The following ZNF808 variants were observed in gnomAD, a reference collection of about 807,000 sequenced individuals.
ZNF808 encodes the protein zinc finger protein 808.
ZNF808 carries 5 observed loss-of-function variants against 8.7 expected under a neutral mutation model. The observed-to-expected ratio is 0.58, with a 90% CI of 0.30 to 1.21. The LOEUF is 1.21. Ranked by LOEUF, ZNF808 falls within the 50% of genes most tolerant of loss-of-function variation. The pLI is 0.07. For missense variants in ZNF808, 1,103 were observed against 1,098.4 expected, an observed-to-expected ratio of 1.00 and a Z score of -0.06; for synonymous variants, 380 against 366.0, an observed-to-expected ratio of 1.04 and a Z score of -0.44.
At chr19:52,533,074 G>C (rs2059575184) in intron 2 of ZNF808, 65 bp downstream of exon 2, 1 of 152,324 alleles carries the variant, frequency 6.6e-6, no homozygotes, top group East Asian at 1.9e-4. Context: ...TTCCTCCTTT[G>C]AAATTAAAGA....
At position 52,543,277 on chromosome 19, in the gene ZNF808, A is replaced by G. The variant is rs1269052223; in HGVS notation, c.-8A>G. 3.7e-6 allele frequency: 6 copies of G among 1,613,580 alleles called. No homozygotes were observed. The highest frequency in any genetic ancestry group is 1.7e-4 in the Middle Eastern group (1 of 6,054). On this transcript the variant is annotated 5_prime_UTR_variant, in exon 3 of 5. Transcript: ENST00000359798. ...TTTTTCACATACAGGATTGATTTCT[A>G]AAGACTCATGTTACGTGAGGAAGCA...
Position 52,554,541 on chromosome 19 carries a change from C to T in ZNF808, c.1625C>T (p.Thr542Met), listed in dbSNP as rs185737879. ...ACTCTAGAGAAATCTTACAAATGTA[C>T]GGTTTGTAACAAGGTTTTCATGCGT... Reference protein sequence around the residue: ...LHTLEKSYKCTVCNKVFMRNS... With the variant: ...LHTLEKSYKCMVCNKVFMRNS... Residue 542 changes from threonine (T) to methionine (M), a missense_variant, in exon 5 of 5, where the codon ACG (threonine) becomes ATG (methionine). Transcript: ENST00000359798. The T allele has an allele frequency of 4.2e-4, 678 of 1,613,872 alleles. 5 individuals are homozygous for T. The East Asian group carries it at 0.012, about 28-fold the overall frequency.
At chr19:52,528,567 G>C (rs1325847872) in intron 1 of ZNF808, among the ~76,000 whole-genome samples, 2 of 152,180 alleles carry the variant, frequency 1.3e-5, no homozygotes, top group East Asian at 3.9e-4. Context: ...AGAAAAGCTA[G>C]ATGTACACAG....
At chr19:52,546,641 GCT>G (rs2059723153) in intron 3 of ZNF808, among the ~76,000 whole-genome samples, 1 of 117,646 alleles carries the variant, frequency 8.5e-6, no homozygotes, top group Admixed American at 1.0e-4. Flanking sequence ...CCCTGTGTTT[GCT>G]TTTTTTTTTT....
At chr19:52,540,213 T>C (rs1206953371) in intron 2 of ZNF808, among the ~76,000 whole-genome samples, 3 of 152,074 alleles carry the variant, frequency 2.0e-5, no homozygotes, top group Non-Finnish European at 4.4e-5. Flanking sequence ...AGTTTCTCCA[T>C]ATTGGCCAGG....
chr19:52,559,151 G>GGAAT (rs1208270846), downstream of ZNF808, among the ~76,000 whole-genome samples: 2 of 152,068 alleles, frequency 1.3e-5, no homozygotes, highest in East Asian at 3.9e-4. Flanking sequence ...AAAAGAGGAA[G>GGAAT]GCCTCTTTGC....
rs777305164 is a variant in ZNF808 at position 52,554,481 on chromosome 19, A to C, written c.1565A>C (p.His522Pro). The C allele has an allele frequency of 1.2e-6, 2 of 1,614,076 alleles. No individual in the cohort carries two copies. ...AATCAGTGTGGCAATACCTTCCGTC[A>C]CCGGGCATCCCTTGTATACCATCGT... ...KCNQCGNTFR[H>P]RASLVYHRRL... Residue 522 changes from histidine (H) to proline (P), a missense_variant, in exon 5 of 5, where the codon CAC becomes CCC. By Grantham distance (77) the His-to-Pro change is moderately conservative. Transcript: ENST00000359798.
chr19:52,550,641 T>G (rs1367415217), intron 4 of ZNF808, among the ~76,000 whole-genome samples: 3 of 152,050 alleles, frequency 2.0e-5, no homozygotes, highest in African/African-American at 7.2e-5. Flanking sequence ...TTGTCCTGCC[T>G]CAGGCTCCCA....
intron 1 of ZNF808, among the ~76,000 whole-genome samples, chr19:52,529,088 A>C (rs566197750): frequency 5.5e-4 from 83 of 152,124 alleles, no homozygotes; most frequent in African/African-American, 2.0e-3. Context: ...GTAATGAAGA[A>C]AGGGGGGCTA....
intron 2 of ZNF808, among the ~76,000 whole-genome samples, chr19:52,536,564 C>T (rs1413940487): frequency 1.3e-5 from 2 of 152,194 alleles, no homozygotes; most frequent in Admixed American, 6.5e-5. Context: ...GTCACCGCTT[C>T]CCCTGAACCA....
chr19:52,558,989 C>G (rs894925182), downstream of ZNF808, among the ~76,000 whole-genome samples: 15 of 152,150 alleles, frequency 9.9e-5, no homozygotes, highest in South Asian at 4.1e-4. Context: ...CAGAACACTG[C>G]GAAAGGCCGC....
intron 2 of ZNF808, among the ~76,000 whole-genome samples, chr19:52,541,043 C>T (rs2059665024): frequency 6.6e-6 from 1 of 152,074 alleles, no homozygotes. Context: ...CCTCTACCTC[C>T]TGGGTTCAAG....
chr19:52,568,272 G>GC (rs1442478211), downstream of ZNF808, among the ~76,000 whole-genome samples: 6 of 152,194 alleles, frequency 3.9e-5, no homozygotes, highest in African/African-American at 1.4e-4. Context: ...TATTTGGGAG[G>GC]CTGAGGCAGG....
chr19:52,531,996 G>A (rs577248693), intron 1 of ZNF808, among the ~76,000 whole-genome samples: 7 of 152,220 alleles, frequency 4.6e-5, no homozygotes, highest in Non-Finnish European at 1.0e-4. Flanking sequence ...CTTTTTTCTT[G>A]AGAGAGAATT....
At chr19:52,566,055 T>G (rs1200312689), downstream of ZNF808, among the ~76,000 whole-genome samples, 1 of 152,082 alleles carries the variant, frequency 6.6e-6, no homozygotes, top group Non-Finnish European at 1.5e-5. Flanking sequence ...AAAGCACAAA[T>G]CAGTTCCAAA....
chr19:52,545,300 G>C (rs1469221632), intron 3 of ZNF808, among the ~76,000 whole-genome samples: 1 of 152,212 alleles, frequency 6.6e-6, no homozygotes, highest in Non-Finnish European at 1.5e-5. Context: ...CTCTCCAGTA[G>C]CTTGGATTAG....
At chr19:52,546,559 A>G (rs187815149) in intron 3 of ZNF808, among the ~76,000 whole-genome samples, 20 of 151,386 alleles carry the variant, frequency 1.3e-4, no homozygotes, top group Non-Finnish European at 2.9e-4. Context: ...CACCGCTTGT[A>G]TCTTAGTTCA....
chr19:52,558,600 G>C (rs537336404), downstream of ZNF808, among the ~76,000 whole-genome samples: 2 of 151,756 alleles, frequency 1.3e-5, no homozygotes, highest in Non-Finnish European at 2.9e-5. Flanking sequence ...TTGAACTCCT[G>C]ACCTCGTGAT....
intron 4 of ZNF808, among the ~76,000 whole-genome samples, chr19:52,552,807 A>T (rs1215287889): frequency 2.6e-5 from 4 of 151,154 alleles, no homozygotes; most frequent in Admixed American, 1.3e-4. Flanking sequence ...TGTTTTTTGC[A>T]AATTGTGATG....
Sources: allele counts gnomAD v4.1 joint callset (sites outside exome capture counted in the v4.1 genomes callset), GRCh38; gene constraint gnomAD v4.1.1; transcripts MANE v1.5; gene names NCBI Gene and HGNC (gene_info 2026-07-23, HGNC 2026-07-21).